HEXA: variants seen among roughly 807,000 people sequenced by gnomAD.
The protein encoded by HEXA is hexosaminidase subunit alpha, also known as beta-hexosaminidase subunit alpha.
HEXA carries 54 observed loss-of-function variants against 73.3 expected under a neutral mutation model. That is an observed-to-expected ratio of 0.74 (90% CI 0.59 to 0.92). HEXA has a LOEUF of 0.92. Ranked by LOEUF, HEXA falls within the 40% of genes least tolerant of loss-of-function variation. The pLI is 0.00. For missense variants in HEXA, 649 were observed against 653.0 expected, an observed-to-expected ratio of 0.99 and a Z score of 0.07; for synonymous variants, 230 against 246.9, an observed-to-expected ratio of 0.93 and a Z score of 0.64.
chr15:72,348,810 T>C (rs990996870), intron 8 of HEXA, among the ~76,000 whole-genome samples: 1 of 152,202 alleles, frequency 6.6e-6, no homozygotes, highest in African/African-American at 2.4e-5. Flanking sequence ...ATCCCGAACT[T>C]TTCCAAGACA....
chr15:72,372,822 G>A (rs533925963), intron 1 of HEXA, among the ~76,000 whole-genome samples: 1 of 152,314 alleles, frequency 6.6e-6, no homozygotes, highest in South Asian at 2.1e-4. Context: ...AAAACCAGAA[G>A]TTGTATTGCA....
At position 72,344,122 on chromosome 15, in the gene HEXA, T is replaced by C. The variant is rs369398952; in HGVS notation, c.1545A>G (p.Gln515=). 6.8e-6 allele frequency: 11 copies of C among 1,613,676 alleles called. No homozygotes were observed. Among genetic ancestry groups the C allele is most frequent in the Admixed American group, 3.3e-5 (2 of 59,978 alleles). Residue 515 remains glutamine (Q), a synonymous_variant, in exon 14 of 14, where the codon CAA becomes CAG. Transcript: ENST00000268097. ...CELLRRGVQA[Q]PLNVGFCEQE... ...GCTCACAGAAGCCTACATTGAGGGG[T>C]TGGGCCTGGACACCTCGCCTGCAAG...
chr15:72,353,741 G>GGAAGATGTAGAGAGGCAGAGT lies in HEXA; in HGVS notation c.413-25_413-5dup. The GGAAGATGTAGAGAGGCAGAGT allele has an allele frequency of 6.2e-7, 1 of 1,608,304 alleles. No individual in the cohort carries two copies. Among genetic ancestry groups the GGAAGATGTAGAGAGGCAGAGT allele is most frequent in the South Asian group, 1.1e-5 (1 of 90,956 alleles). On this transcript the variant is annotated splice_polypyrimidine_tract_variant and splice_region_variant and intron_variant, in intron 3 of 13. Coordinates refer to ENST00000268097, the MANE Select transcript of HEXA (RefSeq NM_000520.6). The stretch of plus-strand genomic sequence containing the variant: ...AGCTGGCTAAAAGTCTCCAGACCTA[G>GGAAGATGTAGAGAGGCAGAGT]GAAGATGTAGAGAGGCAGAGTAAAG...
At chr15:72,372,708 G>A (rs1226296145) in intron 1 of HEXA, among the ~76,000 whole-genome samples, 1 of 152,214 alleles carries the variant, frequency 6.6e-6, no homozygotes, top group African/African-American at 2.4e-5. Flanking sequence ...TTTAGCAACT[G>A]GTGGGACTAA....
intron 1 of HEXA, among the ~76,000 whole-genome samples, chr15:72,372,700 T>A (rs903739650): frequency 6.6e-6 from 1 of 152,236 alleles, no homozygotes; most frequent in Non-Finnish European, 1.5e-5. Flanking sequence ...ACAGACCATT[T>A]AGCAACTGGT....
intron 1 of HEXA, among the ~76,000 whole-genome samples, chr15:72,372,573 G>A (rs1203054907): frequency 6.6e-6 from 1 of 152,118 alleles, no homozygotes; most frequent in East Asian, 1.9e-4. Context: ...ATTCATTCAA[G>A]TATCTAGTTC....
chr15:72,375,745 C>G lies in HEXA; in HGVS notation c.228G>C (p.Gly76=), dbSNP rs2089055564. The G allele has an allele frequency of 1.2e-6, 2 of 1,614,088 alleles. No individual in the cohort carries two copies. The highest frequency in any genetic ancestry group is 1.7e-6 in the Non-Finnish European group (2 of 1,180,040). ...QRYRDLLFGS[G]SWPRPYLTGK... ...CTGTGAGGTAAGGACGGGGCCAAGA[C>G]CCGGAACCGAAAAGCAGGTCACGAT... Residue 76 remains glycine (G), a synonymous_variant, in exon 1 of 14, where the codon GGG becomes GGC. Transcript: ENST00000268097.
At position 72,375,993 on chromosome 15, in the gene HEXA, C is replaced by A. The variant is rs747583524; in HGVS notation, c.-21G>T. The A allele has an allele frequency of 1.9e-6, 3 of 1,611,120 alleles. 1 individual carries two copies. Among genetic ancestry groups the A allele is most frequent in the South Asian group, 2.2e-5 (2 of 91,016 alleles). ...GTCATGGCCCGCTGGTCTCCCCTCT[C>A]GGAGGGGGCTGGCCACGTGAGACCC... On this transcript the variant is annotated 5_prime_UTR_variant, in exon 1 of 14. Coordinates refer to ENST00000268097, the MANE Select transcript of HEXA (RefSeq NM_000520.6).
At chr15:72,356,466 G>A in intron 2 of HEXA, 59 bp downstream of exon 2, 2 of 1,594,608 alleles carry the variant, frequency 1.3e-6, no homozygotes, top group South Asian at 2.2e-5. Context: ...AGGCCATCCA[G>A]AGTTACAGCT....
intron 1 of HEXA, chr15:72,370,509 A>G (rs2088975818): frequency 2.5e-6 from 1 of 395,934 alleles, no homozygotes; most frequent in East Asian, 3.6e-5. Flanking sequence ...TGGGCAACAC[A>G]GTAAGACCCC....
chr15:72,367,005 G>T (rs565173561), intron 1 of HEXA, among the ~76,000 whole-genome samples: 1 of 151,768 alleles, frequency 6.6e-6, no homozygotes, highest in African/African-American at 2.4e-5. Flanking sequence ...GTGCAGTGGC[G>T]CACTCTCGGC....
At chr15:72,355,291 C>T in intron 3 of HEXA, 5 of 464,914 alleles carry the variant, frequency 1.1e-5, no homozygotes, top group Non-Finnish European at 2.0e-5. Flanking sequence ...TTTGGGAGGC[C>T]GAGATGGGTG....
intron 1 of HEXA, among the ~76,000 whole-genome samples, chr15:72,373,530 T>G (rs2089019634): frequency 6.6e-6 from 1 of 152,202 alleles, no homozygotes; most frequent in Non-Finnish European, 1.5e-5. Context: ...CTAATAAAGC[T>G]AATGAACTTA....
At chr15:72,361,546 G>A (rs1424428375) in intron 1 of HEXA, among the ~76,000 whole-genome samples, 1 of 152,090 alleles carries the variant, frequency 6.6e-6, no homozygotes, top group East Asian at 1.9e-4. Flanking sequence ...AAAGCCACTT[G>A]AATCTTAAAC....
At chr15:72,361,169 C>T (rs1182841426) in intron 1 of HEXA, among the ~76,000 whole-genome samples, 1 of 152,194 alleles carries the variant, frequency 6.6e-6, no homozygotes, top group Non-Finnish European at 1.5e-5. Context: ...GTGGTCAAAA[C>T]AGACAAAAAT....
At chr15:72,367,352 G>A (rs2088931129) in intron 1 of HEXA, among the ~76,000 whole-genome samples, 2 of 152,110 alleles carry the variant, frequency 1.3e-5, no homozygotes, top group Non-Finnish European at 2.9e-5. Flanking sequence ...TCAGAAATCT[G>A]GGAGTCATCC....
At chr15:72,360,828 T>C (rs909990193) in intron 1 of HEXA, among the ~76,000 whole-genome samples, 3 of 152,190 alleles carry the variant, frequency 2.0e-5, no homozygotes, top group African/African-American at 7.2e-5. Context: ...AACTGTAAAA[T>C]AGGGATCATA....
intron 1 of HEXA, among the ~76,000 whole-genome samples, chr15:72,365,689 GATTT>G (rs1396384651): frequency 1.3e-5 from 2 of 152,072 alleles, no homozygotes; most frequent in Admixed American, 6.6e-5. Context: ...ATGAGGTAAG[GATTT>G]ATTTTTTTCC....
At position 72,351,938 on chromosome 15, in the gene HEXA, C is replaced by CTCCTTCCTTCCT. The variant is rs113434085; in HGVS notation, c.571-716_571-705dup. ...GTTCAAGTGCTTCTCATGCCTCAGCCTCCTTCCTTCCTTCACTTATTTATT... is the reference window on the plus strand; with the variant it reads ...GTTCAAGTGCTTCTCATGCCTCAGCCTCCTTCCTTCCTTCCTTCCTTCCTTCACTTATTTATT... On this transcript the variant is annotated intron_variant, in intron 5 of 13. Transcript: ENST00000268097. 401 of 152,646 alleles carry CTCCTTCCTTCCT rather than the reference C, an allele frequency of 2.6e-3. 4 individuals carry two copies. The highest frequency in any genetic ancestry group is 0.011 in the Admixed American group (168 of 15,178). The allele number at this position is 152,646 out of a possible 1,614,324, so 9.5% of individuals were successfully genotyped here.
Sources: gnomAD v4.1 joint callset for allele counts (sites outside exome capture counted in the v4.1 genomes callset) on GRCh38, gnomAD v4.1.1 for gene constraint, MANE v1.5 for transcripts, NCBI Gene and HGNC (gene_info 2026-07-23, HGNC 2026-07-21) for gene names.